UGT1A9: variants seen among roughly 807,000 people sequenced by gnomAD.
The protein encoded by UGT1A9 is UDP glucuronosyltransferase family 1 member A9, also known as UDP-glucuronosyltransferase 1A9.
A neutral mutation model predicts 45.0 loss-of-function variants in UGT1A9; 35 were observed. The ratio of observed to expected loss-of-function variants is 0.78; its 90% CI spans 0.59 to 1.03. The LOEUF (loss-of-function observed/expected upper bound fraction) is 1.03, where lower values mean the gene tolerates loss of function less well. Ranked by LOEUF, UGT1A9 falls within the 50% of genes least tolerant of loss-of-function variation. The pLI is 0.00. For synonymous variants in UGT1A9, 278 were observed against 250.6 expected, an observed-to-expected ratio of 1.11 and a Z score of -1.03; for missense variants, 687 against 666.6, an observed-to-expected ratio of 1.03 and a Z score of -0.34.
chr2:233,679,418 T>G (rs543817503), intron 1 of UGT1A9, among the ~76,000 whole-genome samples: 1 of 152,346 alleles, frequency 6.6e-6, no homozygotes, highest in African/African-American at 2.4e-5. Flanking sequence ...GCAGTTCTAC[T>G]GATGAGGGCA....
At chr2:233,701,614 C>T (rs1194546253) in intron 1 of UGT1A9, among the ~76,000 whole-genome samples, 9 of 152,078 alleles carry the variant, frequency 5.9e-5, no homozygotes, top group East Asian at 1.9e-4. Flanking sequence ...CCTCAGCAAA[C>T]GTAAAAGAAC....
In UGT1A9 at chr2:233,772,515, A is replaced by G. The variant is rs553499095; in HGVS notation, c.1549A>G (p.Lys517Glu). The change falls in exon 5 of 5, where the codon AAA becomes GAA. Residue 517 changes from lysine to glutamate, a missense_variant. Transcript: ENST00000354728. ...CAYGYRKCLGKKGRVKKAHKS... is the reference protein window; with the variant it reads ...CAYGYRKCLGEKGRVKKAHKS... ...TTATGGCTACCGGAAATGCTTGGGG[A>G]AAAAAGGGCGAGTTAAGAAAGCCCA... is the stretch of plus-strand genomic sequence containing the variant. 82 of 1,614,158 alleles carry G rather than the reference A, an allele frequency of 5.1e-5. No individual in the cohort carries two copies. Among genetic ancestry groups the G allele is most frequent in the Non-Finnish European group, 6.4e-5 (75 of 1,180,028 alleles).
chr2:233,747,841 G>C (rs1575686388), intron 1 of UGT1A9: 1 of 1,613,504 alleles, frequency 6.2e-7, no homozygotes, highest in East Asian at 2.2e-5. Flanking sequence ...TTCCTGCAAA[G>C]GGTCAAGAAC....
At chr2:233,745,976 A>AC in intron 1 of UGT1A9, among the ~76,000 whole-genome samples, 1 of 151,654 alleles carries the variant, frequency 6.6e-6, no homozygotes, top group Middle Eastern at 3.2e-3. Flanking sequence ...CTGAAATGGG[A>AC]CCATGACAGC....
At chr2:233,741,008 G>A (rs1182899562) in intron 1 of UGT1A9, 1 of 151,722 alleles carries the variant, frequency 6.6e-6, no homozygotes, top group African/African-American at 2.4e-5. Flanking sequence ...GATCACTTGA[G>A]CCCAGGAATT....
chr2:233,755,081 A>G (rs749990272), intron 1 of UGT1A9: 10 of 1,336,302 alleles, frequency 7.5e-6, no homozygotes, highest in Non-Finnish European at 6.0e-6. Flanking sequence ...GGTCATAGAT[A>G]TCGCGTTTCT....
chr2:233,701,126 A>G (rs1398709726), intron 1 of UGT1A9, among the ~76,000 whole-genome samples: 2 of 152,140 alleles, frequency 1.3e-5, no homozygotes, highest in African/African-American at 4.8e-5. Flanking sequence ...TCATTGAGGG[A>G]CATTTAGGTT....
At chr2:233,760,958 A>T (rs976503144) in intron 1 of UGT1A9, 1 of 1,614,176 alleles carries the variant, frequency 6.2e-7, no homozygotes, top group African/African-American at 1.3e-5. Flanking sequence ...TTTCTGTGCG[A>T]CGTGGTTTAT....
Position 233,760,573 on chromosome 2 carries a change from G to A in UGT1A9, c.856-6461G>A, listed in dbSNP as rs1208621089. The A allele has an allele frequency of 1.1e-5, 18 of 1,614,052 alleles. No individual in the cohort carries two copies. The highest frequency in any genetic ancestry group is 2.7e-5 in the African/African-American group (2 of 74,912). ...TGTGAAAGAGTCTTTTGTTAGTCTC[G>A]GGCATAATGTTTTTGAGAATGATTC... On this transcript the variant is annotated intron_variant, in intron 1 of 4. Coordinates refer to ENST00000354728, the MANE Select transcript of UGT1A9 (RefSeq NM_021027.3).
chr2:233,745,687 G>A (rs1693175005), intron 1 of UGT1A9, among the ~76,000 whole-genome samples: 1 of 150,802 alleles, frequency 6.6e-6, no homozygotes, highest in Non-Finnish European at 1.5e-5. Context: ...ATCAAAGCAA[G>A]TTTGGAGAAC....
At chr2:233,724,088 C>T (rs1463645375) in intron 1 of UGT1A9, among the ~76,000 whole-genome samples, 27 of 104,412 alleles carry the variant, frequency 2.6e-4, no homozygotes, top group African/African-American at 6.1e-4. Context: ...AGGGGCTCCT[C>T]ACTTCCCAGT....
intron 1 of UGT1A9, chr2:233,747,860 C>T (rs1402748758): frequency 6.2e-6 from 10 of 1,613,422 alleles, no homozygotes; most frequent in Non-Finnish European, 5.9e-6. Context: ...ACATGCTCTA[C>T]CCTCTGGCCC....
intron 1 of UGT1A9, among the ~76,000 whole-genome samples, chr2:233,741,290 C>T (rs1691616711): frequency 6.6e-6 from 1 of 151,724 alleles, no homozygotes. Context: ...ATTTATGTAC[C>T]CAATTGTGTA....
chr2:233,745,835 T>A (rs2125873644), intron 1 of UGT1A9, among the ~76,000 whole-genome samples: 1 of 151,430 alleles, frequency 6.6e-6, no homozygotes, highest in African/African-American at 2.4e-5. Context: ...GGACTCTGAA[T>A]TTTCTTCTGT....
intron 1 of UGT1A9, among the ~76,000 whole-genome samples, chr2:233,704,007 C>G (rs915075630): frequency 6.6e-6 from 1 of 152,048 alleles, no homozygotes; most frequent in Non-Finnish European, 1.5e-5. Flanking sequence ...TCTCCCACCT[C>G]AGCCGCCCGA....
chr2:233,751,852 T>C (rs1461134305), intron 1 of UGT1A9, among the ~76,000 whole-genome samples: 2 of 152,196 alleles, frequency 1.3e-5, no homozygotes, highest in East Asian at 1.9e-4. Context: ...TTTAAACCTT[T>C]GTCTTTTATA....
Position 233,744,060 on chromosome 2 carries a change from C to A in UGT1A9, c.856-22974C>A, listed in dbSNP as rs1280590393. 1.7e-5 allele frequency: 10 copies of A among 571,720 alleles called. No homozygotes were observed. The African/African-American group carries it at 2.0e-4, about 11-fold the overall frequency. 35.4% of individuals were successfully genotyped at this position (571,720 alleles called of 1,614,324 possible). On this transcript the variant is annotated intron_variant, in intron 1 of 4. Coordinates refer to ENST00000354728, the MANE Select transcript of UGT1A9 (RefSeq NM_021027.3). Reference sequence around the variant, plus strand: ...CGCAGCCACATCTCATTGGTCGAGGCCTATGAGCGCCTCGCATCCCAAGAT... The same window carrying A: ...CGCAGCCACATCTCATTGGTCGAGGACTATGAGCGCCTCGCATCCCAAGAT...
chr2:233,683,428 C>A (rs1307985094), intron 1 of UGT1A9, among the ~76,000 whole-genome samples: 1 of 152,046 alleles, frequency 6.6e-6, no homozygotes, highest in East Asian at 1.9e-4. Context: ...GGTTTATGAG[C>A]AATAATAAGA....
At chr2:233,747,134 C>G (rs1693570015) in intron 1 of UGT1A9, 6 of 1,538,798 alleles carry the variant, frequency 3.9e-6, no homozygotes, top group Non-Finnish European at 5.3e-6. Flanking sequence ...GGCTCAGTGA[C>G]AAGGTAATTA....
Sources: allele counts gnomAD v4.1 joint callset (sites outside exome capture counted in the v4.1 genomes callset), GRCh38; gene constraint gnomAD v4.1.1; transcripts MANE v1.5; gene names NCBI Gene and HGNC (gene_info 2026-07-23, HGNC 2026-07-21).